The following ACSM1 variants were observed in gnomAD, a reference collection of about 807,000 sequenced individuals.
ACSM1 encodes acyl-coenzyme A synthetase ACSM1, mitochondrial.
A neutral mutation model predicts 75.8 loss-of-function variants in ACSM1; 79 were observed. That is an observed-to-expected ratio of 1.04 (90% CI 0.87 to 1.26). The LOEUF (loss-of-function observed/expected upper bound fraction) is 1.26, where lower values mean the gene tolerates loss of function less well. Ranked by LOEUF, ACSM1 falls within the 50% of genes most tolerant of loss-of-function variation. The pLI, the probability that ACSM1 is intolerant of heterozygous loss-of-function variation, is 0.00. For synonymous variants in ACSM1, 279 were observed against 265.8 expected (o/e 1.05, Z -0.48); for missense variants, 676 against 720.1 (o/e 0.94, Z 0.70).
intron 2 of ACSM1, among the ~76,000 whole-genome samples, chr16:20,687,559 A>G (rs549993899): frequency 1.3e-5 from 2 of 152,280 alleles, no homozygotes; most frequent in African/African-American, 4.8e-5. Flanking sequence ...ATAAAAACAT[A>G]AAGCACACAA....
intron 4 of ACSM1, among the ~76,000 whole-genome samples, chr16:20,672,804 AATATATAAT>A (rs1383493258): frequency 8.6e-6 from 1 of 116,920 alleles, no homozygotes; most frequent in Admixed American, 9.4e-5. Context: ...AAATATGTAT[AATATATAAT>A]ATATATTATA....
At chr16:20,638,551 T>A (rs777260799) in intron 8 of ACSM1, among the ~76,000 whole-genome samples, 9 of 152,236 alleles carry the variant, frequency 5.9e-5, no homozygotes, top group Non-Finnish European at 1.5e-5. Flanking sequence ...AAGGTGAGCA[T>A]ATACAACAGG....
chr16:20,672,947 ATATAT>A (rs1040432970), intron 4 of ACSM1, among the ~76,000 whole-genome samples: 4 of 139,450 alleles, frequency 2.9e-5, no homozygotes, highest in Non-Finnish European at 4.6e-5. Context: ...AAAAACATTT[ATATAT>A]TATATCTCAT....
At chr16:20,656,418 T>G (rs1347242130) in intron 7 of ACSM1, among the ~76,000 whole-genome samples, 2 of 152,172 alleles carry the variant, frequency 1.3e-5, no homozygotes, top group African/African-American at 4.8e-5. Flanking sequence ...TTAAAAATCT[T>G]AAAGTCATGA....
chr16:20,682,224 C>CA (rs758304672), intron 4 of ACSM1, 32 bp downstream of exon 4: 1 of 1,603,142 alleles, frequency 6.2e-7, no homozygotes, highest in African/African-American at 1.3e-5. Flanking sequence ...CAACTGTACT[C>CA]AGAGATTATA....
In ACSM1 at chr16:20,669,904, G is replaced by A. The variant is rs1194200530; in HGVS notation, c.835C>T (p.Leu279=). The A allele has an allele frequency of 2.5e-6, 4 of 1,613,856 alleles. No homozygotes were observed. Among genetic ancestry groups the A allele is most frequent in the Non-Finnish European group, 3.4e-6 (4 of 1,179,818 alleles). Residue 279 remains leucine, a synonymous_variant, in exon 6 of 14, where the codon CTG becomes TTG. Coordinates refer to ENST00000520010, the MANE Select transcript of ACSM1 (RefSeq NM_001318890.3). The part of the protein sequence containing the change: ...SGWIVATIWT[L]VEPWTAGCTV... ...CAACCCGCTGTCCATGGTTCTACCA[G>A]GGTCCAAATGGTAGCCACAATCCAT...
At chr16:20,633,230 A>G (rs2017456175) in intron 10 of ACSM1, among the ~76,000 whole-genome samples, 1 of 152,234 alleles carries the variant, frequency 6.6e-6, no homozygotes, top group African/African-American at 2.4e-5. Flanking sequence ...TTATCTCTGC[A>G]TGCAGATGGC....
intron 2 of ACSM1, among the ~76,000 whole-genome samples, chr16:20,685,828 AAAACAAACAAAAAAAAAAC>A (rs1393543596): frequency 3.7e-5 from 4 of 107,246 alleles, no homozygotes; most frequent in Admixed American, 8.6e-5. Context: ...TCAAAAAAAA[AAAACAAACAAAAAAAAAAC>A]AAAAAACTTA....
intron 7 of ACSM1, among the ~76,000 whole-genome samples, chr16:20,653,175 C>A (rs2018745740): frequency 6.6e-6 from 1 of 152,134 alleles, no homozygotes; most frequent in Admixed American, 6.6e-5. Context: ...TCAATAGATG[C>A]AGAAAAGGCC....
chr16:20,660,081 T>G (rs2019215262), intron 7 of ACSM1, among the ~76,000 whole-genome samples: 1 of 152,198 alleles, frequency 6.6e-6, no homozygotes, highest in Non-Finnish European at 1.5e-5. Context: ...GGCTGTGTCA[T>G]GGGTCATGGT....
chr16:20,651,071 G>T (rs1248517965), intron 7 of ACSM1, among the ~76,000 whole-genome samples: 2 of 152,234 alleles, frequency 1.3e-5, no homozygotes, highest in Non-Finnish European at 2.9e-5. Context: ...ATAATTTTAT[G>T]TTCAATTGGC....
At chr16:20,671,494 C>A (rs374469307) in intron 5 of ACSM1, 37 bp downstream of exon 5, 27 of 1,565,878 alleles carry the variant, frequency 1.7e-5, no homozygotes, top group Non-Finnish European at 2.1e-5. Flanking sequence ...TTGCCCACAT[C>A]TGGGTCCAGC....
At chr16:20,696,348 T>C (rs972379128) in intron 1 of ACSM1, among the ~76,000 whole-genome samples, 1 of 152,254 alleles carries the variant, frequency 6.6e-6, no homozygotes, top group African/African-American at 2.4e-5. Flanking sequence ...CAGATTTGAC[T>C]TCACAAAGCT....
chr16:20,679,786 C>T (rs764688510), intron 4 of ACSM1: 3 of 152,196 alleles, frequency 2.0e-5, no homozygotes, highest in African/African-American at 4.8e-5. Context: ...AAATAATCAG[C>T]TATATGTATG....
chr16:20,686,777 C>T (rs968556087), intron 2 of ACSM1, among the ~76,000 whole-genome samples: 2 of 151,202 alleles, frequency 1.3e-5, no homozygotes, highest in African/African-American at 2.4e-5. Context: ...GCATTCCAGC[C>T]TGGGAGACAG....
chr16:20,665,692 C>G (rs1472788854), intron 6 of ACSM1, among the ~76,000 whole-genome samples: 1 of 152,072 alleles, frequency 6.6e-6, no homozygotes, highest in African/African-American at 2.4e-5. Context: ...CAAAAGAAAA[C>G]TCCAGGCCAA....
chr16:20,668,229 T>C, intron 6 of ACSM1, among the ~76,000 whole-genome samples: 1 of 152,352 alleles, frequency 6.6e-6, no homozygotes, highest in South Asian at 2.1e-4. Flanking sequence ...TTAAAAATTA[T>C]TATGAATAAT....
At chr16:20,672,699 A>G (rs1433371653) in intron 4 of ACSM1, among the ~76,000 whole-genome samples, 2 of 101,464 alleles carry the variant, frequency 2.0e-5, no homozygotes, top group Non-Finnish European at 3.7e-5. Flanking sequence ...ATATATAAGT[A>G]TATATATACA....
intron 3 of ACSM1, among the ~76,000 whole-genome samples, chr16:20,683,646 CT>C (rs36182498): frequency 0.55 from 75,762 of 136,702 alleles, 22,920 homozygotes; most frequent in Non-Finnish European, 0.7. Flanking sequence ...CAGCTCAAGT[CT>C]TTTTTTTTTT....
Sources: gnomAD v4.1 joint callset for allele counts (sites outside exome capture counted in the v4.1 genomes callset) on GRCh38, gnomAD v4.1.1 for gene constraint, MANE v1.5 for transcripts, NCBI Gene and HGNC (gene_info 2026-07-23, HGNC 2026-07-21) for gene names.